The following CDCA4 variants were observed in gnomAD, a reference collection of about 807,000 sequenced individuals.
CDCA4 encodes the protein cell division cycle associated 4.
For synonymous variants in CDCA4, 130 were observed against 137.0 expected (o/e 0.95, Z 0.36); for missense variants, 294 against 322.1 (o/e 0.91, Z 0.67).
rs550780820 is a variant in CDCA4, at chr14:105,018,599, G to A, written c.-7+2400C>T. 2.4e-3 allele frequency among the ~76,000 whole-genome samples: 362 copies of A among 152,214 alleles called. 2 individuals carry two copies. Among genetic ancestry groups the A allele is most frequent in the Non-Finnish European group, 3.9e-3 (265 of 67,998 alleles). ...AGAGCATGGTCTTAACCAGCCCCGA[G>A]GGATGCCTGGGCTGGGCCCAGCTCC... is the stretch of plus-strand genomic sequence containing the variant. On this transcript the variant is annotated intron_variant, in intron 1 of 1. Coordinates refer to ENST00000336219, the MANE Select transcript of CDCA4 (RefSeq NM_017955.4).
At chr14:105,012,504 A>G (rs1285889902) in intron 1 of CDCA4, among the ~76,000 whole-genome samples, 1 of 152,212 alleles carries the variant, frequency 6.6e-6, no homozygotes, top group Non-Finnish European at 1.5e-5. Flanking sequence ...GCTTTCACTA[A>G]AAGCCTCTAT....
chr14:105,019,079 C>T (rs1886156871), intron 1 of CDCA4, among the ~76,000 whole-genome samples: 1 of 152,052 alleles, frequency 6.6e-6, no homozygotes, highest in African/African-American at 2.4e-5. Context: ...TAGTTAAATG[C>T]CTAAAATCCC....
At chr14:105,015,128 TCCCA>T (rs1205351402) in intron 1 of CDCA4, among the ~76,000 whole-genome samples, 1 of 152,140 alleles carries the variant, frequency 6.6e-6, no homozygotes, top group Non-Finnish European at 1.5e-5. Context: ...ACCCTCTGGG[TCCCA>T]CTTTCCTTTC....
chr14:105,011,953 G>T lies in CDCA4; in HGVS notation c.-6-18C>A, dbSNP rs779725263. Reference sequence around the variant, plus strand: ...ATTGTGTCCTGCAGAAACCAAGGAAGACACCACTTAGCACACGGCAGACTC... The same window carrying T: ...ATTGTGTCCTGCAGAAACCAAGGAATACACCACTTAGCACACGGCAGACTC... On this transcript the variant is annotated intron_variant, in intron 1 of 1. Transcript: ENST00000336219. 45 of 1,584,334 alleles carry T rather than the reference G, an allele frequency of 2.8e-5. No individual in the cohort carries two copies. Among genetic ancestry groups the T allele is most frequent in the Non-Finnish European group, 3.4e-5 (40 of 1,163,840 alleles).
chr14:105,011,025 G>A lies in CDCA4; in HGVS notation c.*179C>T. 1.4e-6 allele frequency: 1 copy of A among 708,496 alleles called. No individual in the cohort carries two copies. Among genetic ancestry groups the A allele is most frequent in the Non-Finnish European group, 2.3e-6 (1 of 438,828 alleles). The allele number at this position is 708,496 out of a possible 1,614,324, so 43.9% of individuals were successfully genotyped here. On this transcript the variant is annotated 3_prime_UTR_variant, in exon 2 of 2. Coordinates refer to ENST00000336219, the MANE Select transcript of CDCA4 (RefSeq NM_017955.4). ...CCTCTGCCTGGCGCTCCACAGGGGGGAGGTGAGTGGGACGGGCCTAGGGCT... is the reference window on the plus strand; with the variant it reads ...CCTCTGCCTGGCGCTCCACAGGGGGAAGGTGAGTGGGACGGGCCTAGGGCT...
At chr14:105,020,656 C>G (rs924988235) in intron 1 of CDCA4, among the ~76,000 whole-genome samples, 1 of 152,218 alleles carries the variant, frequency 6.6e-6, no homozygotes, top group Non-Finnish European at 1.5e-5. Flanking sequence ...GGAAACGCCG[C>G]TGCGTACCCC....
rs1475296004 is a variant in CDCA4, at chr14:105,014,225, G to A, written c.-6-2290C>T. On this transcript the variant is annotated intron_variant, in intron 1 of 1. Transcript: ENST00000336219. ...CTGTGGGGGTGGCCCTACCCTGACTGCACAGCGCCGGACACGCACACATGC... is the reference window on the plus strand; with the variant it reads ...CTGTGGGGGTGGCCCTACCCTGACTACACAGCGCCGGACACGCACACATGC... Among the ~76,000 whole-genome samples, 3 of 152,312 alleles carry A rather than the reference G, an allele frequency of 2.0e-5. No homozygotes were observed. In the East Asian group the frequency reaches 5.8e-4, roughly 29 times the overall value.
intron 1 of CDCA4, among the ~76,000 whole-genome samples, chr14:105,014,440 A>G (rs1900592890): frequency 6.6e-6 from 1 of 152,160 alleles, no homozygotes; most frequent in African/African-American, 2.4e-5. Context: ...TATTTCCCCT[A>G]CAGCACCCAT....
intron 1 of CDCA4, among the ~76,000 whole-genome samples, chr14:105,016,849 A>G (rs1595454903): frequency 1.3e-5 from 2 of 152,368 alleles, no homozygotes; most frequent in Non-Finnish European, 2.9e-5. Context: ...AGTTCCCAAC[A>G]GAGTAGGATC....
intron 1 of CDCA4, among the ~76,000 whole-genome samples, chr14:105,018,737 ATTTT>A (rs33997251): frequency 6.9e-6 from 1 of 144,642 alleles, no homozygotes; most frequent in East Asian, 2.0e-4. Context: ...TCCCTGCTCA[ATTTT>A]TTTTTTTTTT....
chr14:105,020,579 C>T (rs1336160861), intron 1 of CDCA4, among the ~76,000 whole-genome samples: 1 of 152,194 alleles, frequency 6.6e-6, no homozygotes, highest in Non-Finnish European at 1.5e-5. Context: ...TCTCCGCGGC[C>T]GGGCTCCGAC....
At chr14:105,012,642 G>A (rs1464858709) in intron 1 of CDCA4, among the ~76,000 whole-genome samples, 1 of 152,188 alleles carries the variant, frequency 6.6e-6, no homozygotes, top group Non-Finnish European at 1.5e-5. Context: ...AGGGACACAG[G>A]GTCTCCTGGC....
At chr14:105,015,488 G>A (rs1458580018) in intron 1 of CDCA4, among the ~76,000 whole-genome samples, 1 of 37,526 alleles carries the variant, frequency 2.7e-5, no homozygotes, top group African/African-American at 4.6e-5. Flanking sequence ...GCCCTAGTCA[G>A]ACCTGCAGGA....
In CDCA4 at chr14:105,010,970, C is replaced by A; in HGVS notation, c.*234G>T. ...CACGAGGGGCCCAGGGCTGTGGGGA[C>A]GTCAGAAGACAAGAAGCCTTCCAGA... On this transcript the variant is annotated 3_prime_UTR_variant, in exon 2 of 2. Coordinates refer to ENST00000336219, the MANE Select transcript of CDCA4 (RefSeq NM_017955.4). The A allele has an allele frequency of 1.7e-6, 1 of 577,256 alleles. No homozygotes were observed. Among genetic ancestry groups the A allele is most frequent in the Non-Finnish European group, 3.0e-6 (1 of 328,576 alleles). The allele number at this position is 577,256 out of a possible 1,614,324, so 35.8% of individuals were successfully genotyped here.
Position 105,011,063 on chromosome 14 carries a change from G to A in CDCA4, c.*141C>T. The A allele has an allele frequency of 9.7e-7, 1 of 1,035,306 alleles. No homozygotes were observed. Among genetic ancestry groups the A allele is most frequent in the Non-Finnish European group, 1.4e-6 (1 of 732,698 alleles). 64.1% of individuals were successfully genotyped at this position (1,035,306 alleles called of 1,614,324 possible). ...CGGGCCTAGGGCTGCAGCCCCACTG[G>A]TAATGGGCTGTTCTGGGATTTCTCA... On this transcript the variant is annotated 3_prime_UTR_variant, in exon 2 of 2. Transcript: ENST00000336219.
chr14:105,013,927 T>G (rs980217440), intron 1 of CDCA4, among the ~76,000 whole-genome samples: 9 of 152,140 alleles, frequency 5.9e-5, no homozygotes, highest in Non-Finnish European at 1.3e-4. Context: ...ACAAGGAAAA[T>G]GTACCCTTCA....
At chr14:105,016,034 G>C (rs1170838868) in intron 1 of CDCA4, among the ~76,000 whole-genome samples, 2 of 152,134 alleles carry the variant, frequency 1.3e-5, no homozygotes, top group African/African-American at 4.8e-5. Flanking sequence ...GAGCTTCCCT[G>C]GATTCCACTG....
At position 105,011,259 on chromosome 14, in the gene CDCA4, C is replaced by G; in HGVS notation, c.671G>C (p.Cys224Ser). ...GTCCAGCTCGCCCAGGTCGGACTTG[C>G]AGCTGGAGCTAGGGCCTGGGGTGGC... The part of the protein sequence containing the change: ...APATPGPSSS[C>S]KSDLGELDHV... Residue 224 changes from cysteine to serine, a missense_variant, in exon 2 of 2, where the codon TGC (cysteine) becomes TCC (serine). Transcript: ENST00000336219. 1 of 1,613,518 alleles carries G rather than the reference C, an allele frequency of 6.2e-7. No homozygotes were observed. The highest frequency in any genetic ancestry group is 8.5e-7 in the Non-Finnish European group (1 of 1,179,856).
intron 1 of CDCA4, among the ~76,000 whole-genome samples, chr14:105,016,559 CTT>C (rs989851976): frequency 2.6e-5 from 4 of 152,228 alleles, no homozygotes; most frequent in African/African-American, 9.6e-5. Context: ...AAAGCTTCCT[CTT>C]GTTTTGCCAA....
Sources: allele counts gnomAD v4.1 joint callset (sites outside exome capture counted in the v4.1 genomes callset), GRCh38; gene constraint gnomAD v4.1.1; transcripts MANE v1.5; gene names NCBI Gene and HGNC (gene_info 2026-07-23, HGNC 2026-07-21).